The following CEMIP variants were observed in gnomAD, a reference collection of about 807,000 sequenced individuals.
CEMIP encodes the protein cell migration inducing hyaluronidase 1.
A neutral mutation model predicts 156.9 loss-of-function variants in CEMIP; 105 were observed. The ratio of observed to expected loss-of-function variants is 0.67; its 90% confidence interval spans 0.57 to 0.79. The LOEUF (loss-of-function observed/expected upper bound fraction) is 0.79. CEMIP is among the 30% of genes least tolerant of loss of function. The probability of loss-of-function intolerance (pLI) is 0.00; values close to 1 mark genes in which losing one functional copy is unlikely to be tolerated. For synonymous variants in CEMIP, 676 were observed against 668.4 expected, an observed-to-expected ratio of 1.01 and a Z score of -0.17; for missense variants, 1,457 against 1,769.4, an observed-to-expected ratio of 0.82 and a Z score of 3.17.
At chr15:80,832,006 T>TA (rs1897167235) in intron 1 of CEMIP, among the ~76,000 whole-genome samples, 2 of 152,240 alleles carry the variant, frequency 1.3e-5, no homozygotes, top group South Asian at 2.1e-4. Context: ...ATTTCCCATC[T>TA]TTTGTCATTC....
intron 7 of CEMIP, among the ~76,000 whole-genome samples, chr15:80,887,040 T>G (rs564165551): frequency 6.6e-6 from 1 of 152,344 alleles, no homozygotes; most frequent in South Asian, 2.1e-4. Context: ...ACTTCATTAC[T>G]GCATTAGGCA....
chr15:80,879,648 C>CTTGG, intron 4 of CEMIP, 68 bp from the exon 5 acceptor site: 1 of 1,600,582 alleles, frequency 6.2e-7, no homozygotes, highest in Admixed American at 1.7e-5. Flanking sequence ...GGAGTCTGCC[C>CTTGG]TTGGCTCTGA....
At chr15:80,833,169 G>A (rs1000064083) in intron 1 of CEMIP, among the ~76,000 whole-genome samples, 3 of 152,178 alleles carry the variant, frequency 2.0e-5, no homozygotes, top group Non-Finnish European at 4.4e-5. Context: ...GACTATCAAA[G>A]AATGCAGACA....
intron 22 of CEMIP, 67 bp from the exon 23 acceptor site, chr15:80,933,178 G>A (rs2141953773): frequency 2.2e-6 from 3 of 1,388,478 alleles, no homozygotes; most frequent in Non-Finnish European, 3.1e-6. Context: ...ACCTCGCCCT[G>A]GCCTGATGAC....
chr15:80,891,089 C>G (rs1899019047), intron 10 of CEMIP, among the ~76,000 whole-genome samples: 1 of 152,236 alleles, frequency 6.6e-6, no homozygotes, highest in Admixed American at 6.5e-5. Flanking sequence ...TCTTATCCCT[C>G]CAGTTCACTT....
intron 1 of CEMIP, among the ~76,000 whole-genome samples, chr15:80,829,964 G>A (rs1308281534): frequency 1.8e-5 from 2 of 113,032 alleles, no homozygotes; most frequent in African/African-American, 3.3e-5. Flanking sequence ...GGGAGGTAGC[G>A]GGTGTGTGTG....
At chr15:80,875,022 T>A (rs904306151) in intron 3 of CEMIP, among the ~76,000 whole-genome samples, 3 of 30,652 alleles carry the variant, frequency 9.8e-5, no homozygotes, top group African/African-American at 4.8e-4. Flanking sequence ...GCAAGTAGCA[T>A]TTTTTTTTTT....
chr15:80,948,928 C>T lies in CEMIP; in HGVS notation c.*4C>T, dbSNP rs762397778. On this transcript the variant is annotated 3_prime_UTR_variant, in exon 30 of 30. Coordinates refer to ENST00000394685, the MANE Select transcript of CEMIP (RefSeq NM_001293298.2). ...GGTGAAGAAGAAGAAGTTGTGAGGA[C>T]AGCTGCCGCCCGGTGCCACCTCGTG... 6.2e-6 allele frequency: 10 copies of T among 1,614,112 alleles called. No homozygotes were observed. The highest frequency in any genetic ancestry group is 1.7e-5 in the Admixed American group (1 of 60,012).
At chr15:80,935,007 C>T (rs1264840848) in intron 23 of CEMIP, among the ~76,000 whole-genome samples, 1 of 152,158 alleles carries the variant, frequency 6.6e-6, no homozygotes. Context: ...GTGTTGAAAA[C>T]CCAGTGGAGA....
rs1896604448 is a variant in CEMIP, at chr15:80,809,486, G to C, written c.-176+29872G>C. Among the ~76,000 whole-genome samples, 3 of 152,122 alleles carry C rather than the reference G, an allele frequency of 2.0e-5. 1 individual carries two copies. The highest frequency in any genetic ancestry group is 6.5e-5 in the Admixed American group (1 of 15,272). On this transcript the variant is annotated intron_variant, in intron 1 of 29. Transcript: ENST00000394685. ...TATAAAGTGTGAATTTCCTTTTATGGAATTGTTCTGGATGAAACTGATAGG... is the reference window on the plus strand; with the variant it reads ...TATAAAGTGTGAATTTCCTTTTATGCAATTGTTCTGGATGAAACTGATAGG...
chr15:80,792,839 GA>G (rs1448869164), intron 1 of CEMIP, among the ~76,000 whole-genome samples: 1 of 152,120 alleles, frequency 6.6e-6, no homozygotes, highest in African/African-American at 2.4e-5. Flanking sequence ...AACACTCCAT[GA>G]GATCAGGAAC....
chr15:80,928,344 CG>C (rs889245750), intron 19 of CEMIP, among the ~76,000 whole-genome samples: 3 of 152,144 alleles, frequency 2.0e-5, no homozygotes, highest in Non-Finnish European at 4.4e-5. Context: ...AGGGAGCTGA[CG>C]AGATGGCCCC....
At chr15:80,825,655 A>G (rs1897019039) in intron 1 of CEMIP, among the ~76,000 whole-genome samples, 1 of 152,218 alleles carries the variant, frequency 6.6e-6, no homozygotes, top group Non-Finnish European at 1.5e-5. Flanking sequence ...GGAGGAGAAC[A>G]AAAGTGAGAG....
chr15:80,870,562 T>C (rs1049423138), intron 1 of CEMIP, among the ~76,000 whole-genome samples: 2 of 152,102 alleles, frequency 1.3e-5, no homozygotes, highest in African/African-American at 4.8e-5. Context: ...CCGGTGCGGC[T>C]GGGCCTGGGG....
rs565836407 is a variant in CEMIP, at chr15:80,849,099, C to T, written c.-175-24439C>T. ...CTCTGCTTCCCAGGTTAAAGTGATCCTCCCACCTCAGCCACCCAAGTAGCT... is the reference window on the plus strand; with the variant it reads ...CTCTGCTTCCCAGGTTAAAGTGATCTTCCCACCTCAGCCACCCAAGTAGCT... On this transcript the variant is annotated intron_variant, in intron 1 of 29. Coordinates refer to ENST00000394685, the MANE Select transcript of CEMIP (RefSeq NM_001293298.2). 7.3e-5 allele frequency among the ~76,000 whole-genome samples: 11 copies of T among 150,920 alleles called. No homozygotes were observed. The South Asian group carries it at 1.9e-3, about 26-fold the overall frequency.
At chr15:80,821,657 A>G (rs1896911999) in intron 1 of CEMIP, among the ~76,000 whole-genome samples, 1 of 152,184 alleles carries the variant, frequency 6.6e-6, no homozygotes, top group South Asian at 2.1e-4. Flanking sequence ...TGTGAGGGAG[A>G]GGGAATGAGG....
In CEMIP at chr15:80,912,389, G is replaced by A. The variant is rs548976817; in HGVS notation, c.1797+3083G>A. 7.9e-5 allele frequency among the ~76,000 whole-genome samples: 12 copies of A among 152,300 alleles called. No homozygotes were observed. In the South Asian group the frequency reaches 2.5e-3, roughly 32 times the overall value. On this transcript the variant is annotated intron_variant, in intron 14 of 29. Transcript: ENST00000394685. ...TCCCTCCGGCCTGGGTCTCAGGGAT[G>A]CCAGCTGCAAACTGGGAGGGCCATT...
chr15:80,792,711 G>A (rs1470504932), intron 1 of CEMIP, among the ~76,000 whole-genome samples: 1 of 152,102 alleles, frequency 6.6e-6, no homozygotes, highest in African/African-American at 2.4e-5. Context: ...TAAACCTTTG[G>A]CAAGCTATGG....
At chr15:80,820,540 T>C (rs1896886785) in intron 1 of CEMIP, among the ~76,000 whole-genome samples, 1 of 152,160 alleles carries the variant, frequency 6.6e-6, no homozygotes, top group Admixed American at 6.5e-5. Flanking sequence ...CAGCATAGGA[T>C]GTGGATTCAG....
Sources: gnomAD v4.1 joint callset for allele counts (sites outside exome capture counted in the v4.1 genomes callset) on GRCh38, gnomAD v4.1.1 for gene constraint, MANE v1.5 for transcripts, NCBI Gene and HGNC (gene_info 2026-07-23, HGNC 2026-07-21) for gene names.